GGNBP2: variants seen among roughly 807,000 people sequenced by gnomAD.
The protein encoded by GGNBP2 is gametogenetin-binding protein 2.
GGNBP2 carries 10 observed loss-of-function variants against 85.9 expected under a neutral mutation model. The observed-to-expected ratio is 0.12, with a 90% confidence interval of 0.07 to 0.20. GGNBP2 has a LOEUF of 0.20. Among genes scored for constraint, GGNBP2 ranks in the 10% least tolerant of loss-of-function variants. GGNBP2 has a pLI of 1.00. For synonymous variants in GGNBP2, 287 were observed against 285.7 expected, an observed-to-expected ratio of 1.00 and a Z score of -0.05; for missense variants, 595 against 857.8, an observed-to-expected ratio of 0.69 and a Z score of 3.83.
At chr17:36,548,444 G>A (rs184025484) in intron 2 of GGNBP2, among the ~76,000 whole-genome samples, 150 of 151,162 alleles carry the variant, frequency 9.9e-4, no homozygotes, top group African/African-American at 2.2e-3. Context: ...GCAAAACCCC[G>A]TCTCTACTAA....
chr17:36,557,207 T>C lies in GGNBP2; in HGVS notation c.299T>C (p.Phe100Ser), dbSNP rs1457127866. Reference protein sequence around the residue: ...VGCRRSVERLFSQLVESGNPA... With the variant: ...VGCRRSVERLSSQLVESGNPA... The stretch of plus-strand genomic sequence containing the variant: ...TGTCGTCGCAGTGTGGAGCGTCTCT[T>C]TTCCCAGCTTGTAGAGTCTGGAAAT... The change falls in exon 4 of 14, where the codon TTT becomes TCT. Residue 100 changes from phenylalanine (F) to serine (S), a missense_variant. Transcript: ENST00000613102. 1 of 1,614,126 alleles carries C rather than the reference T, an allele frequency of 6.2e-7. No individual in the cohort carries two copies. Among genetic ancestry groups the C allele is most frequent in the Non-Finnish European group, 8.5e-7 (1 of 1,180,026 alleles).
At chr17:36,587,384 G>T in intron 13 of GGNBP2, 139 bp downstream of exon 13, 1 of 907,152 alleles carries the variant, frequency 1.1e-6, no homozygotes, top group Non-Finnish European at 1.7e-6. Context: ...ATTATTGTTT[G>T]GGGACTTCAT....
chr17:36,553,389 C>G (rs2074330065), intron 2 of GGNBP2, among the ~76,000 whole-genome samples: 1 of 152,052 alleles, frequency 6.6e-6, no homozygotes, highest in Non-Finnish European at 1.5e-5. Flanking sequence ...ACTCTTAAAT[C>G]TATTGCTTAC....
chr17:36,577,925 T>C, intron 6 of GGNBP2, 58 bp from the exon 7 acceptor site: 1 of 1,358,512 alleles, frequency 7.4e-7, no homozygotes, highest in Non-Finnish European at 1.0e-6. Context: ...CACTGTTATA[T>C]GCCACAAGAA....
At chr17:36,587,964 T>A (rs1490059727) in intron 13 of GGNBP2, among the ~76,000 whole-genome samples, 1 of 152,240 alleles carries the variant, frequency 6.6e-6, no homozygotes, top group African/African-American at 2.4e-5. Context: ...GAGGTAGCAT[T>A]GTATTCAGTA....
rs750529198 is a variant in GGNBP2 at position 36,567,680 on chromosome 17, T to G, written c.545T>G (p.Val182Gly). The G allele has an allele frequency of 4.4e-6, 7 of 1,589,496 alleles. No homozygotes were observed. The East Asian group carries it at 6.7e-5, about 15-fold the overall frequency. Residue 182 changes from valine to glycine, a missense_variant, in exon 6 of 14, where the codon GTA (valine) becomes GGA (glycine). Around this residue, in one of 9 missense-constraint regions of GGNBP2, gnomAD observed 216 missense variants for 293.4 expected, o/e 0.74. Coordinates refer to ENST00000613102, the MANE Select transcript of GGNBP2 (RefSeq NM_024835.5). Reference protein sequence around the residue: ...PKPLGGCWMDVWELMSQECRD... With the variant: ...PKPLGGCWMDGWELMSQECRD... Reference sequence around the variant, plus strand: ...TTCTACAGAGGTTGTTGGATGGATGTATGGGAACTAATGTCGCAGGAATGC... The same window carrying G: ...TTCTACAGAGGTTGTTGGATGGATGGATGGGAACTAATGTCGCAGGAATGC...
In GGNBP2 at chr17:36,557,079, T is replaced by G; in HGVS notation, c.175-4T>G. On this transcript the variant is annotated splice_region_variant and splice_polypyrimidine_tract_variant and intron_variant, in intron 3 of 13. Transcript: ENST00000613102. Reference sequence around the variant, plus strand: ...CACTCTTTCATTTTCTTTCCCTCTTTCAGCGACATGGTATGCTTAAGCAAC... The same window carrying G: ...CACTCTTTCATTTTCTTTCCCTCTTGCAGCGACATGGTATGCTTAAGCAAC... 4.3e-6 allele frequency: 7 copies of G among 1,613,910 alleles called. No individual in the cohort carries two copies. The highest frequency in any genetic ancestry group is 5.9e-6 in the Non-Finnish European group (7 of 1,179,826).
intron 13 of GGNBP2, chr17:36,587,572 C>G (rs143971817): frequency 1.5e-4 from 40 of 261,240 alleles, no homozygotes; most frequent in Admixed American, 5.6e-4. Context: ...CCCAATAAAC[C>G]CTTTGTAAAG....
chr17:36,587,345 A>C, intron 13 of GGNBP2, 100 bp downstream of exon 13: 1 of 1,217,602 alleles, frequency 8.2e-7, no homozygotes, highest in Non-Finnish European at 1.2e-6. Flanking sequence ...AGTTGAAGGA[A>C]GCTTATGAGA....
In GGNBP2 at chr17:36,586,146, G is replaced by GA; in HGVS notation, c.1595dup (p.Asn532LysfsTer2). 6.2e-7 allele frequency: 1 copy of GA among 1,613,166 alleles called. No homozygotes were observed. Among genetic ancestry groups the GA allele is most frequent in the Non-Finnish European group, 8.5e-7 (1 of 1,179,648 alleles). Reference sequence around the variant, plus strand: ...AATTCTGAAGAGAACGACACAAAAGGAAAAAATAAAAAGAAGAAGAAGAAA... The same window carrying GA: ...AATTCTGAAGAGAACGACACAAAAGGAAAAAAATAAAAAGAAGAAGAAGAAA... On this transcript the variant is annotated frameshift_variant, in exon 12 of 14. Coordinates refer to ENST00000613102, the MANE Select transcript of GGNBP2 (RefSeq NM_024835.5). LOFTEE classifies it high-confidence loss of function.
chr17:36,576,869 G>T (rs1345429655), intron 6 of GGNBP2: 1 of 151,836 alleles, frequency 6.6e-6, no homozygotes, highest in Non-Finnish European at 1.5e-5. Context: ...TTATTAACAG[G>T]GATTGAGAAG....
At chr17:36,552,586 A>AC (rs1220814107) in intron 2 of GGNBP2, among the ~76,000 whole-genome samples, 3 of 152,252 alleles carry the variant, frequency 2.0e-5, no homozygotes, top group Admixed American at 6.5e-5. Flanking sequence ...ACTTATTGCT[A>AC]CCCCCCTTTA....
At chr17:36,551,172 A>T (rs1340919270) in intron 2 of GGNBP2, among the ~76,000 whole-genome samples, 1 of 152,028 alleles carries the variant, frequency 6.6e-6, no homozygotes, top group African/African-American at 2.4e-5. Flanking sequence ...GATTGGAAAC[A>T]AGTTTTGTTT....
In GGNBP2 at chr17:36,589,205, C is replaced by T. The variant is rs762445744; in HGVS notation, c.1891-3C>T. The T allele has an allele frequency of 2.5e-6, 4 of 1,601,174 alleles. No homozygotes were observed. Among genetic ancestry groups the T allele is most frequent in the South Asian group, 2.2e-5 (2 of 90,646 alleles). On this transcript the variant is annotated splice_polypyrimidine_tract_variant and splice_region_variant and intron_variant, in intron 13 of 13. Coordinates refer to ENST00000613102, the MANE Select transcript of GGNBP2 (RefSeq NM_024835.5). ...TAGTCTTAACTACTGCTTTAATTTG[C>T]AGGATGAGTCTGAATGTACTTCAGA...
chr17:36,587,055 C>T lies in GGNBP2; in HGVS notation c.1700C>T (p.Thr567Ile), dbSNP rs2074708989. The T allele has an allele frequency of 7.4e-6, 12 of 1,613,500 alleles. No individual in the cohort carries two copies. The highest frequency in any genetic ancestry group is 9.3e-6 in the Non-Finnish European group (11 of 1,179,704). Residue 567 changes from threonine to isoleucine, a missense_variant, in exon 13 of 14, where the codon ACC becomes ATC. By Grantham distance (89) the Thr-to-Ile change is moderately conservative (BLOSUM62 -1). This residue lies in a region of GGNBP2 where 120 missense variants were observed against 126.3 expected (regional missense o/e 0.95). Coordinates refer to ENST00000613102, the MANE Select transcript of GGNBP2 (RefSeq NM_024835.5). ...DPGNRETSGN[T>I]MHTVFHRDKT... The stretch of plus-strand genomic sequence containing the variant: ...GGTAATCGAGAGACCTCAGGAAATA[C>T]CATGCACACAGTGTTTCACCGTGAC...
chr17:36,557,380 A>G (rs755998468), intron 4 of GGNBP2, 44 bp downstream of exon 4: 2 of 1,535,096 alleles, frequency 1.3e-6, no homozygotes, highest in South Asian at 1.1e-5. Flanking sequence ...TTAAAATTTA[A>G]AACAGCTTGG....
Position 36,557,076 on chromosome 17 carries a change from C to T in GGNBP2, c.175-7C>T, listed in dbSNP as rs1365911695. On this transcript the variant is annotated splice_region_variant and splice_polypyrimidine_tract_variant and intron_variant, in intron 3 of 13. Transcript: ENST00000613102. Reference sequence around the variant, plus strand: ...GGACACTCTTTCATTTTCTTTCCCTCTTTCAGCGACATGGTATGCTTAAGC... The same window carrying T: ...GGACACTCTTTCATTTTCTTTCCCTTTTTCAGCGACATGGTATGCTTAAGC... 1 of 1,613,782 alleles carries T rather than the reference C, an allele frequency of 6.2e-7. No homozygotes were observed. The highest frequency in any genetic ancestry group is 1.1e-5 in the South Asian group (1 of 91,080).
chr17:36,574,483 C>CT (rs1334741852), intron 6 of GGNBP2: 1 of 281,546 alleles, frequency 3.6e-6, no homozygotes, highest in Non-Finnish European at 6.7e-6. Context: ...CAGCTGGAGC[C>CT]TGGGTCCTCT....
intron 8 of GGNBP2, 76 bp downstream of exon 8, chr17:36,579,495 A>G: frequency 8.1e-7 from 1 of 1,229,832 alleles, no homozygotes; most frequent in Non-Finnish European, 1.2e-6. Context: ...GTAAGCCACC[A>G]GTGCCTAAAA....
Sources: allele counts gnomAD v4.1 joint callset (sites outside exome capture counted in the v4.1 genomes callset), GRCh38; gene constraint gnomAD v4.1.1; regional missense constraint gnomAD v4.1.1; transcripts MANE v1.5; gene names NCBI Gene and HGNC (gene_info 2026-07-23, HGNC 2026-07-21).